Variants in ARHGEF11 observed in about 807,000 individuals in gnomAD.
ARHGEF11 encodes the protein Rho guanine exchange factor (GEF) 11.
In ARHGEF11, 55 loss-of-function variants were observed where a neutral mutation model predicts 193.7. The observed-to-expected ratio is 0.28, with a 90% CI of 0.23 to 0.36. The LOEUF (loss-of-function observed/expected upper bound fraction) is 0.36, where lower values mean the gene tolerates loss of function less well. ARHGEF11 is among the 10% of genes least tolerant of loss of function. ARHGEF11 has a pLI of 1.00. For synonymous variants in ARHGEF11, 693 were observed against 768.0 expected, an observed-to-expected ratio of 0.90 and a Z score of 1.62; for missense variants, 1,723 against 2,005.6, an observed-to-expected ratio of 0.86 and a Z score of 2.69.
chr1:156,998,297 A>G (rs1052283848), intron 1 of ARHGEF11, among the ~76,000 whole-genome samples: 39 of 152,290 alleles, frequency 2.6e-4, no homozygotes, highest in African/African-American at 9.1e-4. Context: ...AGGCTCTATC[A>G]GCATAGGTAT....
chr1:156,941,192 T>C (rs971361891), intron 35 of ARHGEF11, among the ~76,000 whole-genome samples, 180 bp downstream of exon 35: 20 of 152,112 alleles, frequency 1.3e-4, no homozygotes, highest in Non-Finnish European at 2.1e-4. Flanking sequence ...TTAAGTCTGT[T>C]CAGTCTGCTC....
In ARHGEF11 at chr1:156,935,912, T is replaced by G; in HGVS notation, c.*88A>C. 7.2e-7 allele frequency: 1 copy of G among 1,396,448 alleles called. No individual in the cohort carries two copies. The highest frequency in any genetic ancestry group is 9.8e-7 in the Non-Finnish European group (1 of 1,025,556). The allele number at this position is 1,396,448 out of a possible 1,614,324, so 86.5% of individuals were successfully genotyped here. A position where few individuals can be genotyped will look rare whatever the true frequency, so the allele number is the denominator to read the frequency against. ...TAACTGCCTCCTCCACAGGGAGGAG[T>G]GTTGGGATCCCCCCTACCCTGTGCC... On this transcript the variant is annotated 3_prime_UTR_variant, in exon 41 of 41. Transcript: ENST00000368194.
chr1:156,980,349 G>C, intron 4 of ARHGEF11, 88 bp downstream of exon 4: 1 of 1,494,240 alleles, frequency 6.7e-7, no homozygotes, highest in South Asian at 1.2e-5. Context: ...GTATCAAGAT[G>C]AAAGTGTGCA....
intron 1 of ARHGEF11, among the ~76,000 whole-genome samples, chr1:157,017,053 C>G (rs1294744332): frequency 6.6e-6 from 1 of 152,162 alleles, no homozygotes; most frequent in South Asian, 2.1e-4. Context: ...AGGAGAAGAA[C>G]TATTGATAAA....
At chr1:157,024,568 C>T (rs1018715058) in intron 1 of ARHGEF11, among the ~76,000 whole-genome samples, 2 of 152,154 alleles carry the variant, frequency 1.3e-5, no homozygotes, top group Non-Finnish European at 2.9e-5. Flanking sequence ...AGCCAACTCG[C>T]TAACCTCAAA....
At chr1:157,035,270 G>A (rs1159700474) in intron 1 of ARHGEF11, among the ~76,000 whole-genome samples, 1 of 152,170 alleles carries the variant, frequency 6.6e-6, no homozygotes, top group Non-Finnish European at 1.5e-5. Context: ...ATCAGCACAG[G>A]ACTGAGGGTA....
At chr1:156,962,140 G>A (rs1204707442) in intron 13 of ARHGEF11, among the ~76,000 whole-genome samples, 1 of 152,110 alleles carries the variant, frequency 6.6e-6, no homozygotes, top group Non-Finnish European at 1.5e-5. Flanking sequence ...GTCTTGTGCT[G>A]GTTTACGTCT....
In ARHGEF11 at chr1:156,978,356, G is replaced by A. The variant is rs1663569406; in HGVS notation, c.358C>T (p.Leu120=). 5 of 1,611,236 alleles carry A rather than the reference G, an allele frequency of 3.1e-6. No homozygotes were observed. The East Asian group carries it at 1.1e-4, about 36-fold the overall frequency. ...CCCATGGATGAAGGTGAAGAGCCCAGGAGGGTGAGTGCGACATAGGCGCCA... is the reference window on the plus strand; with the variant it reads ...CCCATGGATGAAGGTGAAGAGCCCAAGAGGGTGAGTGCGACATAGGCGCCA... ...KSGAYVALTL[L]GSSPSSMGIS... The change falls in exon 6 of 41, where the codon CTG becomes TTG. Residue 120 remains leucine (L), a synonymous_variant. Transcript: ENST00000368194.
intron 1 of ARHGEF11, among the ~76,000 whole-genome samples, chr1:156,991,926 C>T (rs934347369): frequency 1.3e-5 from 2 of 149,810 alleles, no homozygotes; most frequent in Admixed American, 6.6e-5. Context: ...CCGTTTTAGC[C>T]GGGATGGTCT....
intron 1 of ARHGEF11, among the ~76,000 whole-genome samples, chr1:156,994,842 T>C (rs1666257273): frequency 1.0e-5 from 1 of 98,922 alleles, no homozygotes; most frequent in African/African-American, 4.2e-5. Context: ...ATGTAGGTAA[T>C]ACTACCTTTC....
At chr1:156,943,626 C>T (rs868671445) in intron 32 of ARHGEF11, among the ~76,000 whole-genome samples, 5 of 152,226 alleles carry the variant, frequency 3.3e-5, no homozygotes, top group African/African-American at 1.2e-4. Flanking sequence ...TCTGCCTAAT[C>T]CCATTCTTCC....
intron 33 of ARHGEF11, 78 bp from the exon 34 acceptor site, chr1:156,942,067 G>T: frequency 6.2e-7 from 1 of 1,604,922 alleles, no homozygotes; most frequent in South Asian, 1.1e-5. Context: ...GAGCCCACTG[G>T]AACAGGGCTT....
intron 4 of ARHGEF11, 48 bp from the exon 5 acceptor site, chr1:156,979,334 G>T: frequency 4.2e-6 from 6 of 1,441,696 alleles, no homozygotes; most frequent in Non-Finnish European, 5.8e-6. Context: ...AACAGCTAGG[G>T]GATCCTTCTG....
intron 33 of ARHGEF11, 152 bp from the exon 34 acceptor site, chr1:156,942,141 T>C: frequency 9.2e-7 from 1 of 1,085,378 alleles, no homozygotes; most frequent in Middle Eastern, 2.1e-4. Flanking sequence ...CCCTGGCTGC[T>C]CCCTTGCGGT....
chr1:157,043,598 C>G (rs1673016900), intron 1 of ARHGEF11, among the ~76,000 whole-genome samples: 1 of 152,200 alleles, frequency 6.6e-6, no homozygotes, highest in Admixed American at 6.5e-5. Context: ...AGGGAAGGCC[C>G]ATTTTGCAGA....
chr1:157,006,876 C>A lies in ARHGEF11; in HGVS notation c.33-20703G>T, dbSNP rs535575640. On this transcript the variant is annotated intron_variant, in intron 1 of 40. Transcript: ENST00000368194. Reference sequence around the variant, plus strand: ...CCCCAGTGAAGCACCCTGAGAACAGCAGCATGAGCTCTGTGCCACAGGCCT... The same window carrying A: ...CCCCAGTGAAGCACCCTGAGAACAGAAGCATGAGCTCTGTGCCACAGGCCT... 2.0e-5 allele frequency among the ~76,000 whole-genome samples: 3 copies of A among 152,354 alleles called. No individual in the cohort carries two copies. The South Asian group carries it at 6.2e-4, about 32-fold the overall frequency.
chr1:156,955,323 G>A (rs766981968), intron 20 of ARHGEF11, among the ~76,000 whole-genome samples: 6 of 152,066 alleles, frequency 3.9e-5, no homozygotes, highest in Non-Finnish European at 7.4e-5. Context: ...ACCATCCCCC[G>A]CCCGCATCTA....
At chr1:157,029,611 G>A (rs926215333) in intron 1 of ARHGEF11, among the ~76,000 whole-genome samples, 71 of 152,110 alleles carry the variant, frequency 4.7e-4, no homozygotes, top group Non-Finnish European at 1.3e-4. Flanking sequence ...GTTCCCCAGA[G>A]TTCCCATATG....
At chr1:156,958,663 A>G (rs896325689) in intron 17 of ARHGEF11, 79 bp downstream of exon 17, 2 of 1,578,664 alleles carry the variant, frequency 1.3e-6, no homozygotes, top group Non-Finnish European at 1.7e-6. Context: ...AGAGGGGGAG[A>G]GGTTGAAAGA....
Sources: gnomAD v4.1 joint callset for allele counts (sites outside exome capture counted in the v4.1 genomes callset) on GRCh38, gnomAD v4.1.1 for gene constraint, MANE v1.5 for transcripts, NCBI Gene and HGNC (gene_info 2026-07-23, HGNC 2026-07-21) for gene names.